The following KCNT2 variants were observed in gnomAD, a reference collection of about 807,000 sequenced individuals.
KCNT2 encodes the protein potassium channel subfamily T member 2.
KCNT2 carries 67 observed loss-of-function variants against 153.8 expected under a neutral mutation model. The observed-to-expected ratio is 0.44, with a 90% CI of 0.36 to 0.53. The LOEUF is 0.53. Among genes scored for constraint, KCNT2 ranks in the 20% least tolerant of loss-of-function variants. The pLI is 0.00. For synonymous variants in KCNT2, 500 were observed against 458.8 expected (o/e 1.09, Z -1.15); for missense variants, 975 against 1,354.8 (o/e 0.72, Z 4.40).
chr1:196,494,779 G>T (rs1680126404), intron 1 of KCNT2, among the ~76,000 whole-genome samples: 1 of 152,176 alleles, frequency 6.6e-6, no homozygotes, highest in Non-Finnish European at 1.5e-5. Context: ...AGTCACCGTT[G>T]TCTTTAAATA....
At chr1:196,444,353 T>C (rs1204324028) in intron 8 of KCNT2, among the ~76,000 whole-genome samples, 1 of 151,392 alleles carries the variant, frequency 6.6e-6, no homozygotes, top group Non-Finnish European at 1.5e-5. Flanking sequence ...AGGTCAATCG[T>C]TCTAAGAATT....
chr1:196,315,842 C>A, intron 21 of KCNT2, 50 bp downstream of exon 21: 1 of 1,508,806 alleles, frequency 6.6e-7, no homozygotes, highest in East Asian at 2.4e-5. Flanking sequence ...AATATTTTAC[C>A]AATGTTTAGC....
intron 13 of KCNT2, among the ~76,000 whole-genome samples, chr1:196,385,307 C>A (rs1669871073): frequency 1.3e-5 from 2 of 152,070 alleles, no homozygotes; most frequent in African/African-American, 4.8e-5. Context: ...GTACAGCATA[C>A]CACTGTACTG....
chr1:196,301,359 A>C lies in KCNT2; in HGVS notation c.2595+3875T>G, dbSNP rs1661169274. 1.3e-5 allele frequency among the ~76,000 whole-genome samples: 2 copies of C among 152,022 alleles called. 1 individual carries two copies. Among genetic ancestry groups the C allele is most frequent in the South Asian group, 4.2e-4 (2 of 4,810 alleles). On this transcript the variant is annotated intron_variant, in intron 22 of 27. Coordinates refer to ENST00000294725, the MANE Select transcript of KCNT2 (RefSeq NM_198503.5). ...GATTCTCTCGCATGCACACTAATAA[A>C]TTTGCATGCCATTTCTGCTATTAAT...
At chr1:196,280,167 C>T (rs1439908552) in intron 25 of KCNT2, among the ~76,000 whole-genome samples, 1 of 152,094 alleles carries the variant, frequency 6.6e-6, no homozygotes, top group Non-Finnish European at 1.5e-5. Context: ...AAAAAAGAGT[C>T]TGACCTAAAA....
At chr1:196,370,175 A>G (rs1668397136) in intron 14 of KCNT2, among the ~76,000 whole-genome samples, 1 of 152,180 alleles carries the variant, frequency 6.6e-6, no homozygotes, top group Admixed American at 6.6e-5. Flanking sequence ...TTCATTGAGA[A>G]TAAACTTATT....
At chr1:196,255,756 G>A (rs1026402597) in intron 26 of KCNT2, among the ~76,000 whole-genome samples, 3 of 151,788 alleles carry the variant, frequency 2.0e-5, no homozygotes, top group African/African-American at 7.2e-5. Context: ...AGAAATTATG[G>A]ATTTTGGAAT....
chr1:196,600,211 T>C (rs952853006), intron 1 of KCNT2, among the ~76,000 whole-genome samples: 3 of 152,200 alleles, frequency 2.0e-5, no homozygotes, highest in African/African-American at 4.8e-5. Context: ...CCATGGAGCC[T>C]AGTTTTCTAT....
intron 12 of KCNT2, among the ~76,000 whole-genome samples, chr1:196,417,598 T>C (rs1407758679): frequency 6.6e-6 from 1 of 152,108 alleles, no homozygotes; most frequent in Non-Finnish European, 1.5e-5. Context: ...ATCTACTAGC[T>C]TTCTATTATG....
chr1:196,318,703 T>C (rs1325893918), intron 20 of KCNT2, among the ~76,000 whole-genome samples: 2 of 151,748 alleles, frequency 1.3e-5, no homozygotes, highest in African/African-American at 2.4e-5. Context: ...TGGAGGCTAA[T>C]CATATTTTAG....
intron 22 of KCNT2, among the ~76,000 whole-genome samples, chr1:196,291,258 G>A (rs1660156912): frequency 6.6e-6 from 1 of 151,236 alleles, no homozygotes; most frequent in South Asian, 2.1e-4. Context: ...TTTCGTACAA[G>A]CACAGTGATG....
chr1:196,288,603 T>C (rs1239232891), intron 22 of KCNT2, among the ~76,000 whole-genome samples: 1 of 152,094 alleles, frequency 6.6e-6, no homozygotes, highest in Non-Finnish European at 1.5e-5. Context: ...ATGTACATTC[T>C]ACTGTGGTAT....
intron 27 of KCNT2, among the ~76,000 whole-genome samples, chr1:196,228,571 C>G (rs1653673830): frequency 6.6e-6 from 1 of 151,988 alleles, no homozygotes; most frequent in Non-Finnish European, 1.5e-5. Flanking sequence ...GAATCAAGCA[C>G]TATTATTTTT....
At chr1:196,435,133 G>GTA (rs1428028008) in intron 8 of KCNT2, among the ~76,000 whole-genome samples, 97 of 87,846 alleles carry the variant, frequency 1.1e-3, no homozygotes, top group African/African-American at 3.7e-3. Context: ...ATGTGTGTGT[G>GTA]TGTATGTATA....
chr1:196,392,228 T>C (rs1670554456), intron 13 of KCNT2, among the ~76,000 whole-genome samples: 1 of 151,232 alleles, frequency 6.6e-6, no homozygotes, highest in South Asian at 2.1e-4. Context: ...CAGTGTAAGT[T>C]TGATTTTTTG....
At chr1:196,484,652 G>A (rs1679274806) in intron 3 of KCNT2, among the ~76,000 whole-genome samples, 2 of 152,028 alleles carry the variant, frequency 1.3e-5, no homozygotes, top group African/African-American at 4.8e-5. Flanking sequence ...GGCTTTTCTG[G>A]TTTTGGGTTT....
intron 3 of KCNT2, among the ~76,000 whole-genome samples, chr1:196,486,303 C>T (rs540049201): frequency 1.1e-4 from 17 of 151,576 alleles, no homozygotes; most frequent in Admixed American, 2.6e-4. Flanking sequence ...TTTCCCTTTC[C>T]AAAATATAAA....
At chr1:196,344,792 A>G (rs1301007110) in intron 14 of KCNT2, among the ~76,000 whole-genome samples, 1 of 152,160 alleles carries the variant, frequency 6.6e-6, no homozygotes, top group Non-Finnish European at 1.5e-5. Context: ...TTTCTTAAAT[A>G]ATTTGCTTAT....
intron 12 of KCNT2, among the ~76,000 whole-genome samples, chr1:196,401,505 T>G (rs138303961): frequency 6.6e-6 from 1 of 151,718 alleles, no homozygotes; most frequent in Non-Finnish European, 1.5e-5. Flanking sequence ...AGCAGAGTAA[T>G]ATAAAGTATT....
Sources: allele counts gnomAD v4.1 joint callset (sites outside exome capture counted in the v4.1 genomes callset), GRCh38; gene constraint gnomAD v4.1.1; transcripts MANE v1.5; gene names NCBI Gene and HGNC (gene_info 2026-07-23, HGNC 2026-07-21).